The following PCDHGB3 variants were observed in gnomAD, a reference collection of about 807,000 sequenced individuals.
PCDHGB3 encodes the protein protocadherin gamma-B3.
PCDHGB3 carries 40 observed loss-of-function variants against 59.2 expected under a neutral mutation model. The observed-to-expected ratio is 0.68, with a 90% CI of 0.52 to 0.88. PCDHGB3 has a LOEUF of 0.88. Ranked by LOEUF, PCDHGB3 falls within the 40% of genes least tolerant of loss-of-function variation. PCDHGB3 has a pLI of 0.00. For synonymous variants in PCDHGB3, 581 were observed against 503.6 expected (o/e 1.15, Z -2.06); for missense variants, 1,309 against 1,187.9 (o/e 1.10, Z -1.50).
chr5:141,431,325 G>A lies in PCDHGB3; in HGVS notation c.2415+58516G>A. On this transcript the variant is annotated intron_variant, in intron 1 of 3. Transcript: ENST00000576222. The surrounding 1 kb of genome is among the most constrained non-coding windows in gnomAD (Gnocchi z 4.8). ...ATCGTGCAAAATGGAGCCGACGGTA[G>A]TAAGTACCCCGAATTGGTGCTGAAA... is the stretch of plus-strand genomic sequence containing the variant. 6.2e-7 allele frequency: 1 copy of A among 1,614,144 alleles called. No homozygotes were observed. The highest frequency in any genetic ancestry group is 8.5e-7 in the Non-Finnish European group (1 of 1,180,052).
At chr5:141,409,640 G>A (rs1045286800) in intron 1 of PCDHGB3, 2 of 1,613,780 alleles carry the variant, frequency 1.2e-6, no homozygotes, top group African/African-American at 1.3e-5. Context: ...CTCTGACCCG[G>A]ATTTGGGGCT....
At position 141,436,830 on chromosome 5, in the gene PCDHGB3, T is replaced by C. The variant is rs1054296892; in HGVS notation, c.2416-57977T>C. On this transcript the variant is annotated intron_variant, in intron 1 of 3. Coordinates refer to ENST00000576222, the MANE Select transcript of PCDHGB3 (RefSeq NM_018924.5). ...TGACAGCTGGTTTAAAAATCTTAAGTGCCTAGGCACATTCTTGATTGAGAA... is the reference window on the plus strand; with the variant it reads ...TGACAGCTGGTTTAAAAATCTTAAGCGCCTAGGCACATTCTTGATTGAGAA... Among the ~76,000 whole-genome samples, 37 of 152,252 alleles carry C rather than the reference T, an allele frequency of 2.4e-4. 1 individual carries two copies.
intron 1 of PCDHGB3, among the ~76,000 whole-genome samples, chr5:141,472,555 A>T (rs1360460094): frequency 6.6e-6 from 1 of 152,024 alleles, no homozygotes; most frequent in South Asian, 2.1e-4. Flanking sequence ...AAAAAAAATT[A>T]TATTATAAAT....
At chr5:141,496,050 G>A (rs1232836015) in intron 2 of PCDHGB3, among the ~76,000 whole-genome samples, 2 of 149,892 alleles carry the variant, frequency 1.3e-5, no homozygotes, top group Non-Finnish European at 3.0e-5. Flanking sequence ...ATTTTTTTGT[G>A]CTTGTGGGCA....
intron 1 of PCDHGB3, among the ~76,000 whole-genome samples, chr5:141,472,969 A>G: frequency 6.8e-6 from 1 of 147,990 alleles, no homozygotes; most frequent in Non-Finnish European, 1.5e-5. Flanking sequence ...CTGGGGAACA[A>G]GAGTGAAACT....
At chr5:141,375,056 CCAGGT>C in intron 1 of PCDHGB3, 2 of 1,613,966 alleles carry the variant, frequency 1.2e-6, no homozygotes, top group Non-Finnish European at 1.7e-6. Flanking sequence ...CCGGGATGGG[CCAGGT>C]CTTCGAGACA....
rs750216656 is a variant in PCDHGB3 at position 141,422,121 on chromosome 5, A to G, written c.2415+49312A>G. 4.4e-6 allele frequency: 7 copies of G among 1,602,838 alleles called. No individual in the cohort carries two copies. In the Admixed American group the frequency reaches 8.8e-5, roughly 20 times the overall value. On this transcript the variant is annotated intron_variant, in intron 1 of 3. Coordinates refer to ENST00000576222, the MANE Select transcript of PCDHGB3 (RefSeq NM_018924.5). ...CTGAAATATTCCAATTGGATTCACA[A>G]ACTGGAGAAGTTCAAGTACGGGGGT...
At chr5:141,405,436 T>C (rs2094666141) in intron 1 of PCDHGB3, 1 of 1,458,154 alleles carries the variant, frequency 6.9e-7, no homozygotes. Flanking sequence ...TGTTTTGTTT[T>C]TGAGACAGAG....
chr5:141,477,611 C>T lies in PCDHGB3; in HGVS notation c.2416-17196C>T. On this transcript the variant is annotated intron_variant, in intron 1 of 3. Coordinates refer to ENST00000576222, the MANE Select transcript of PCDHGB3 (RefSeq NM_018924.5). This position sits in a 1 kb window ranked among gnomAD's most constrained non-coding sequence, Gnocchi z 4.9. ...TCGGCTTTCTTTCTTTCTCTTGGAG[C>T]AAGGAGCTGAAACCGGGCTAGTGGG... is the stretch of plus-strand genomic sequence containing the variant. The T allele has an allele frequency of 6.2e-7, 1 of 1,614,188 alleles. No homozygotes were observed. The highest frequency in any genetic ancestry group is 8.5e-7 in the Non-Finnish European group (1 of 1,180,036).
rs768074414 is a variant in PCDHGB3 at position 141,477,293 on chromosome 5, C to T, written c.2416-17514C>T. 8.1e-6 allele frequency: 13 copies of T among 1,614,180 alleles called. No homozygotes were observed. The highest frequency in any genetic ancestry group is 1.1e-5 in the Non-Finnish European group (13 of 1,180,036). ...CGGGCTGGTGACCTGCGAAGTTCCA[C>T]CGGGTCTCCCTTTCAGCCTTACTTC... On this transcript the variant is annotated intron_variant, in intron 1 of 3. Coordinates refer to ENST00000576222, the MANE Select transcript of PCDHGB3 (RefSeq NM_018924.5). This position sits in a 1 kb window ranked among gnomAD's most constrained non-coding sequence, Gnocchi z 4.9.
chr5:141,470,479 C>T (rs2099231547), intron 1 of PCDHGB3, among the ~76,000 whole-genome samples: 1 of 152,078 alleles, frequency 6.6e-6, no homozygotes, highest in African/African-American at 2.4e-5. Flanking sequence ...ATTACTAACC[C>T]TCTGGGAATA....
At chr5:141,412,509 A>G (rs1452202369) in intron 1 of PCDHGB3, 2 of 152,208 alleles carry the variant, frequency 1.3e-5, no homozygotes, top group Admixed American at 1.3e-4. Flanking sequence ...AATAAGTTTA[A>G]TGAATTAAGT....
intron 1 of PCDHGB3, chr5:141,422,579 C>T: frequency 6.2e-7 from 1 of 1,614,052 alleles, no homozygotes; most frequent in Non-Finnish European, 8.5e-7. Flanking sequence ...GATAACCCTC[C>T]CGTTTTTCCT....
intron 1 of PCDHGB3, chr5:141,378,978 T>C (rs999342982): frequency 3.3e-5 from 5 of 152,244 alleles, no homozygotes; most frequent in African/African-American, 1.2e-4. Flanking sequence ...TGATGACTTG[T>C]TGAACTACAT....
intron 1 of PCDHGB3, among the ~76,000 whole-genome samples, chr5:141,449,298 T>C (rs1197693931): frequency 6.6e-6 from 1 of 152,058 alleles, no homozygotes; most frequent in Non-Finnish European, 1.5e-5. Flanking sequence ...CCGGGTGAAT[T>C]ATATGTATTA....
At chr5:141,380,404 C>T (rs972826552) in intron 1 of PCDHGB3, among the ~76,000 whole-genome samples, 3 of 152,146 alleles carry the variant, frequency 2.0e-5, no homozygotes, top group Middle Eastern at 6.3e-3. Flanking sequence ...ATAATCAATT[C>T]GATGCCCAGG....
chr5:141,387,741 G>A, intron 1 of PCDHGB3: 7 of 1,332,868 alleles, frequency 5.3e-6, no homozygotes, highest in Non-Finnish European at 6.1e-6. Context: ...CCTTTACACC[G>A]CTTCCTCCTC....
intron 1 of PCDHGB3, chr5:141,382,795 T>A: frequency 1.0e-6 from 1 of 982,614 alleles, no homozygotes; most frequent in Non-Finnish European, 1.5e-6. Context: ...TCTATCCTGC[T>A]GGATTCTGAG....
chr5:141,413,157 A>T, intron 1 of PCDHGB3: 2 of 1,578,898 alleles, frequency 1.3e-6, no homozygotes, highest in Non-Finnish European at 1.7e-6. Flanking sequence ...ACTTTGCAGA[A>T]TTCTGTAACC....
Sources: allele counts gnomAD v4.1 joint callset (sites outside exome capture counted in the v4.1 genomes callset), GRCh38; gene constraint gnomAD v4.1.1; non-coding constraint Gnocchi (gnomAD v3.1); transcripts MANE v1.5; gene names NCBI Gene and HGNC (gene_info 2026-07-23, HGNC 2026-07-21).